CYGB: variants seen among roughly 807,000 people sequenced by gnomAD.
CYGB encodes the protein histoglobin.
A neutral mutation model predicts 20.7 loss-of-function variants in CYGB; 13 were observed. The ratio of observed to expected loss-of-function variants is 0.63; its 90% CI spans 0.41 to 1.00. CYGB has a LOEUF of 1.00. Among genes scored for constraint, CYGB ranks in the 50% least tolerant of loss-of-function variants. CYGB has a pLI of 0.00. For synonymous variants in CYGB, 93 were observed against 107.4 expected, an observed-to-expected ratio of 0.87 and a Z score of 0.83; for missense variants, 218 against 257.2, an observed-to-expected ratio of 0.85 and a Z score of 1.04.
intron 1 of CYGB, chr17:76,544,543 G>A: frequency 2.2e-6 from 1 of 456,652 alleles, no homozygotes; most frequent in Non-Finnish European, 4.4e-6. Context: ...CAGGGGGAAA[G>A]TCACACTAGG....
chr17:76,531,340 C>G lies in CYGB; in HGVS notation c.375+120G>C. The G allele has an allele frequency of 7.5e-7, 1 of 1,331,202 alleles. No homozygotes were observed. Among genetic ancestry groups the G allele is most frequent in the Non-Finnish European group, 1.0e-6 (1 of 970,466 alleles). The allele number at this position is 1,331,202 out of a possible 1,614,324, so 82.5% of individuals were successfully genotyped here. A position where few individuals can be genotyped will look rare whatever the true frequency, so the allele number is the denominator to read the frequency against. On this transcript the variant is annotated intron_variant, in intron 2 of 3. Coordinates refer to ENST00000293230, the MANE Select transcript of CYGB (RefSeq NM_134268.5). This position sits in a 1 kb window ranked among gnomAD's most constrained non-coding sequence, Gnocchi z 7.4. Reference sequence around the variant, plus strand: ...TCCTGCTGCCGGGCACTGCCCCTCCCTCTCGCAGCCACTCCGGGGATCACC... The same window carrying G: ...TCCTGCTGCCGGGCACTGCCCCTCCGTCTCGCAGCCACTCCGGGGATCACC...
rs761737758 is a variant in CYGB at position 76,531,682 on chromosome 17, C to A, written c.153G>T (p.Val51=). The change falls in exon 2 of 4, where the codon GTG becomes GTT. Residue 51 remains valine (V), a synonymous_variant. Transcript: ENST00000293230. The surrounding 1 kb of genome is among the most constrained non-coding windows in gnomAD (Gnocchi z 7.4). ...AGTACTGCTTGGCCGAGGGGAAGTT[C>A]ACAAAGAACCTGGCAAGAGGAACAG... The part of the protein sequence containing the change: ...VGVAILVRFF[V]NFPSAKQYFS... The A allele has an allele frequency of 1.3e-6, 2 of 1,593,386 alleles. No individual in the cohort carries two copies. The highest frequency in any genetic ancestry group is 1.7e-6 in the Non-Finnish European group (2 of 1,163,478).
intron 1 of CYGB, chr17:76,549,812 T>G (rs1241148396): frequency 6.6e-6 from 1 of 152,208 alleles, no homozygotes; most frequent in Non-Finnish European, 1.5e-5. Flanking sequence ...GAGCCCCTAC[T>G]GTGTGATGAT....
upstream of CYGB, among the ~76,000 whole-genome samples, chr17:76,541,881 A>G (rs1199173440): frequency 2.6e-5 from 4 of 152,210 alleles, no homozygotes; most frequent in African/African-American, 7.2e-5. Flanking sequence ...ACTAGGATTA[A>G]TAACAGTGGT....
At chr17:76,548,019 C>T (rs183081850) in intron 1 of CYGB, among the ~76,000 whole-genome samples, 131 of 152,058 alleles carry the variant, frequency 8.6e-4, no homozygotes, top group African/African-American at 2.9e-3. Context: ...CATACACATG[C>T]ATACACAGAC....
At position 76,546,443 on chromosome 17, in the gene CYGB, G is replaced by GGT. The variant is rs747140630; in HGVS notation, c.-53+4418_-53+4419insAC. 0.13 allele frequency: 1,915 copies of GGT among 14,658 alleles called. 34 individuals are homozygous for GGT. Among genetic ancestry groups the GGT allele is most frequent in the Non-Finnish European group, 0.43 (1,274 of 2,948 alleles). 0.9% of individuals were successfully genotyped at this position (14,658 alleles called of 1,614,324 possible). ...ATTCCAAGTGTGCGGTTGTGTGTGT[G>GGT]TGTGGTTTGTGTGTGTGTGTGTGTG... On this transcript the variant is annotated intron_variant, in intron 1 of 3. Coordinates refer to the CYGB transcript ENST00000589145. The surrounding 1 kb of genome is among the most constrained non-coding windows in gnomAD (Gnocchi z 4.5).
upstream of CYGB, chr17:76,540,647 A>C: frequency 6.8e-7 from 1 of 1,470,182 alleles, no homozygotes; most frequent in Non-Finnish European, 9.5e-7. The surrounding 1 kb of genome is among the most constrained non-coding windows in gnomAD (Gnocchi z 5.0). Context: ...CTGGGGGTGC[A>C]CGTGTGTGCC....
At chr17:76,534,175 T>TCTCTCC (rs1418865175) in intron 1 of CYGB, among the ~76,000 whole-genome samples, 6 of 148,026 alleles carry the variant, frequency 4.1e-5, no homozygotes, top group Admixed American at 2.7e-4. Context: ...TCTCTCTCTC[T>TCTCTCC]CTTTCTTTCT....
Position 76,549,392 on chromosome 17 carries a change from GAAGA to G in CYGB, c.-53+1466_-53+1469del, listed in dbSNP as rs1338439861. On this transcript the variant is annotated intron_variant, in intron 1 of 3. Transcript: ENST00000589145. Reference sequence around the variant, plus strand: ...CCTGTAATACCAGCACTTTGGGAAAGAAGAAAGATACTCCACATGCAAATCAAAA... The same window carrying G: ...CCTGTAATACCAGCACTTTGGGAAAGAAGATACTCCACATGCAAATCAAAA... 2.6e-5 allele frequency among the ~76,000 whole-genome samples: 4 copies of G among 152,332 alleles called. No homozygotes were observed. The East Asian group carries it at 7.7e-4, about 29-fold the overall frequency.
chr17:76,538,095 G>C (rs541645613), upstream of CYGB: 1 of 152,946 alleles, frequency 6.5e-6, no homozygotes, highest in South Asian at 2.0e-4. Flanking sequence ...GCGAGTGTGC[G>C]CGTGCGGACC....
chr17:76,536,950 T>C (rs1598207733), intron 1 of CYGB, among the ~76,000 whole-genome samples: 1 of 152,216 alleles, frequency 6.6e-6, no homozygotes, highest in South Asian at 2.1e-4. Flanking sequence ...AGGCTTTGAA[T>C]CCCGCAAGCC....
At chr17:76,542,920 T>G in intron 1 of CYGB, 1 of 569,846 alleles carries the variant, frequency 1.8e-6, no homozygotes, top group Non-Finnish European at 3.4e-6. Context: ...GAGGGCAGTG[T>G]CGGAGGACGC....
chr17:76,537,277 G>A (rs371264605), intron 1 of CYGB, 123 bp downstream of exon 1: 68 of 1,165,758 alleles, frequency 5.8e-5, no homozygotes, highest in Non-Finnish European at 7.5e-5. Context: ...CGCCGACCTC[G>A]GACCGGCCCC....
intron 1 of CYGB, among the ~76,000 whole-genome samples, chr17:76,537,174 T>C (rs1165689409): frequency 6.6e-6 from 1 of 152,186 alleles, no homozygotes; most frequent in Non-Finnish European, 1.5e-5. Context: ...CTCTCCTGCA[T>C]CTGGTTCCTA....
Position 76,530,223 on chromosome 17 carries a change from C to T in CYGB, c.539+756G>A, listed in dbSNP as rs2074819646. ...CCTTCCTACTCCAGCCCTGCCTCCG[C>T]CTCTCCATTCAGCTCCCAGAGTCAG... is the stretch of plus-strand genomic sequence containing the variant. On this transcript the variant is annotated intron_variant, in intron 3 of 3. Transcript: ENST00000293230. The surrounding 1 kb of genome is among the most constrained non-coding windows in gnomAD (Gnocchi z 6.1). 6.6e-6 allele frequency among the ~76,000 whole-genome samples: 1 copy of T among 152,176 alleles called. No individual in the cohort carries two copies. The highest frequency in any genetic ancestry group is 1.5e-5 in the Non-Finnish European group (1 of 68,024).
upstream of CYGB, chr17:76,540,345 A>G: frequency 7.7e-7 from 1 of 1,298,090 alleles, no homozygotes; most frequent in Admixed American, 1.9e-5. The surrounding 1 kb of genome is among the most constrained non-coding windows in gnomAD (Gnocchi z 5.0). Context: ...ATTTTGAGGA[A>G]CCCTTGAGAG....
intron 1 of CYGB, chr17:76,550,362 G>A (rs886338180): frequency 6.6e-6 from 1 of 151,620 alleles, no homozygotes; most frequent in African/African-American, 2.4e-5. Flanking sequence ...CCAGGTTCAA[G>A]TGATTCTCCT....
intron 1 of CYGB, among the ~76,000 whole-genome samples, chr17:76,532,963 G>A (rs2074865764): frequency 1.3e-5 from 2 of 152,236 alleles, no homozygotes; most frequent in African/African-American, 4.8e-5. Flanking sequence ...GCCTGGACCT[G>A]TTCTTCCAGG....
intron 1 of CYGB, among the ~76,000 whole-genome samples, chr17:76,548,237 C>G (rs1176473372): frequency 6.6e-6 from 1 of 152,058 alleles, no homozygotes. Flanking sequence ...ACATAGCATA[C>G]ACATACACAC....
Sources: gnomAD v4.1 joint callset for allele counts (sites outside exome capture counted in the v4.1 genomes callset) on GRCh38, gnomAD v4.1.1 for gene constraint, Gnocchi (gnomAD v3.1) non-coding constraint, MANE v1.5 for transcripts, NCBI Gene and HGNC (gene_info 2026-07-23, HGNC 2026-07-21) for gene names.